The following QRICH1 variants were observed in gnomAD, a reference collection of about 807,000 sequenced individuals.
QRICH1 encodes the protein glutamine rich 1.
In QRICH1, 16 loss-of-function variants were observed where a neutral mutation model predicts 87.1. The observed-to-expected ratio is 0.18, with a 90% confidence interval of 0.12 to 0.28. The LOEUF (loss-of-function observed/expected upper bound fraction) is 0.28, where lower values mean the gene tolerates loss of function less well. QRICH1 is among the 10% of genes least tolerant of loss of function. QRICH1 has a pLI of 1.00. For synonymous variants in QRICH1, 367 were observed against 368.4 expected, an observed-to-expected ratio of 1.00 and a Z score of 0.05; for missense variants, 647 against 951.7, an observed-to-expected ratio of 0.68 and a Z score of 4.21.
At chr3:49,040,738 G>A (rs151216396) in intron 6 of QRICH1, among the ~76,000 whole-genome samples, 174 of 152,274 alleles carry the variant, frequency 1.1e-3, no homozygotes, top group African/African-American at 3.9e-3. Flanking sequence ...TGAATGTCAA[G>A]GAATGCAACT....
intron 2 of QRICH1, among the ~76,000 whole-genome samples, chr3:49,076,295 C>T (rs1464855681): frequency 6.6e-6 from 1 of 152,230 alleles, no homozygotes; most frequent in East Asian, 1.9e-4. Context: ...ACTGACATCG[C>T]CGCCGGCGGG....
intron 5 of QRICH1, 58 bp from the exon 6 acceptor site, chr3:49,044,562 G>T (rs2093328677): frequency 4.0e-6 from 5 of 1,235,732 alleles, no homozygotes; most frequent in Non-Finnish European, 5.8e-6. Context: ...GGATTTCAGG[G>T]GAAATAAATA....
chr3:49,066,701 C>T (rs147707204), intron 2 of QRICH1, among the ~76,000 whole-genome samples: 2,080 of 152,166 alleles, frequency 0.014, 29 homozygotes, highest in Non-Finnish European at 0.018. Context: ...GATTTTTCTT[C>T]TTTTAAAATG....
intron 6 of QRICH1, among the ~76,000 whole-genome samples, chr3:49,044,137 A>G (rs1478955278): frequency 6.6e-6 from 1 of 152,196 alleles, no homozygotes; most frequent in Non-Finnish European, 1.5e-5. Flanking sequence ...ATACATTTTA[A>G]TAGGAAAAAA....
At chr3:49,077,387 C>A (rs963176442) in intron 1 of QRICH1, among the ~76,000 whole-genome samples, 6 of 152,138 alleles carry the variant, frequency 3.9e-5, no homozygotes, top group Non-Finnish European at 8.8e-5. Context: ...CAAAACTGCT[C>A]TGTGACCATC....
intron 3 of QRICH1, among the ~76,000 whole-genome samples, chr3:49,055,735 C>T (rs576626773): frequency 1.1e-4 from 17 of 152,292 alleles, no homozygotes; most frequent in South Asian, 6.2e-4. Flanking sequence ...TGCAGTGGCA[C>T]GATCTCAGCT....
In QRICH1 at chr3:49,047,192, G is replaced by T; in HGVS notation, c.1393C>A (p.Pro465Thr). 6.2e-7 allele frequency: 1 copy of T among 1,614,136 alleles called. No homozygotes were observed. Among genetic ancestry groups the T allele is most frequent in the Non-Finnish European group, 8.5e-7 (1 of 1,180,024 alleles). The change falls in exon 4 of 10, where the codon CCA (proline) becomes ACA (threonine). Residue 465 changes from proline to threonine, a missense_variant. Transcript: ENST00000395443. Reference protein sequence around the residue: ...VEPQSQPQPSPELLLPNSLKP... With the variant: ...VEPQSQPQPSTELLLPNSLKP... The stretch of plus-strand genomic sequence containing the variant: ...AAAGAATTTGGAAGCAGAAGTTCTG[G>T]GGAAGGCTGTGGCTGTGACTGTGGT...
intron 6 of QRICH1, among the ~76,000 whole-genome samples, chr3:49,035,887 C>A (rs1438616369): frequency 7.2e-6 from 1 of 139,508 alleles, no homozygotes; most frequent in African/African-American, 2.7e-5. Flanking sequence ...CCAGCCTAGA[C>A]AACATGGCAA....
chr3:49,031,499 A>G (rs2093239499), intron 9 of QRICH1, among the ~76,000 whole-genome samples: 1 of 152,208 alleles, frequency 6.6e-6, no homozygotes, highest in South Asian at 2.1e-4. Context: ...ATGGGCAGGA[A>G]AAGTATTTCC....
chr3:49,056,756 G>C (rs762997475), intron 3 of QRICH1, 106 bp downstream of exon 3: 27 of 1,525,396 alleles, frequency 1.8e-5, no homozygotes, highest in African/African-American at 1.5e-4. Context: ...CTGCATCACT[G>C]TAAGAGTAAC....
At chr3:49,090,450 C>A (rs2042252117) in intron 1 of QRICH1, among the ~76,000 whole-genome samples, 1 of 111,818 alleles carries the variant, frequency 8.9e-6, no homozygotes, top group African/African-American at 3.5e-5. Context: ...CAGAGCGAGA[C>A]TACGTCTCAA....
At chr3:49,082,994 G>A (rs770775705) in intron 1 of QRICH1, among the ~76,000 whole-genome samples, 7 of 151,774 alleles carry the variant, frequency 4.6e-5, no homozygotes, top group Non-Finnish European at 1.0e-4. Context: ...ATAACCTGAG[G>A]TCGGGAGTTC....
chr3:49,093,656 G>A, intron 1 of QRICH1: 1 of 176,136 alleles, frequency 5.7e-6, no homozygotes, highest in Non-Finnish European at 1.2e-5. Context: ...GCGCGCGCGC[G>A]TAAAAACAGG....
chr3:49,089,053 CTTTTTTTCTTTTCTTTTTT>C (rs2042223674), intron 1 of QRICH1, among the ~76,000 whole-genome samples: 1 of 151,530 alleles, frequency 6.6e-6, no homozygotes, highest in Admixed American at 6.6e-5. Context: ...GTTCTATTTT[CTTTTTTTCTTTTCTTTTTT>C]TTTTTTTAAA....
At position 49,094,036 on chromosome 3, in the gene QRICH1, C is replaced by G; in HGVS notation, c.-146G>C. Reference sequence around the variant, plus strand: ...GACAGGGTTTTCTCCTCACAGCTCCCTGGGCGCCATCTTACATTCAACCCT... The same window carrying G: ...GACAGGGTTTTCTCCTCACAGCTCCGTGGGCGCCATCTTACATTCAACCCT... On this transcript the variant is annotated 5_prime_UTR_variant, in exon 1 of 10. Transcript: ENST00000395443. 1 of 398,772 alleles carries G rather than the reference C, an allele frequency of 2.5e-6. No individual in the cohort carries two copies. The highest frequency in any genetic ancestry group is 4.4e-6 in the Non-Finnish European group (1 of 226,156). The allele number at this position is 398,772 out of a possible 1,614,324, so 24.7% of individuals were successfully genotyped here.
At chr3:49,050,103 G>A (rs1257146469) in intron 3 of QRICH1, among the ~76,000 whole-genome samples, 3 of 151,586 alleles carry the variant, frequency 2.0e-5, no homozygotes, top group Admixed American at 6.6e-5. Context: ...TTGGGAGGCC[G>A]AGGCGGGCGG....
chr3:49,058,602 A>C (rs963101710), intron 2 of QRICH1, among the ~76,000 whole-genome samples: 3 of 152,022 alleles, frequency 2.0e-5, no homozygotes, highest in Non-Finnish European at 4.4e-5. Flanking sequence ...CTGGGATTAC[A>C]GGTGTGAGCC....
chr3:49,059,208 G>A (rs568319727), intron 2 of QRICH1, among the ~76,000 whole-genome samples: 23 of 151,382 alleles, frequency 1.5e-4, no homozygotes, highest in African/African-American at 5.1e-4. Context: ...CTCGTGATCC[G>A]CCCGCCTTGG....
At chr3:49,066,933 G>A (rs2093472017) in intron 2 of QRICH1, among the ~76,000 whole-genome samples, 2 of 151,896 alleles carry the variant, frequency 1.3e-5, no homozygotes, top group African/African-American at 2.4e-5. Flanking sequence ...AGCGACTCAG[G>A]AGGCTGAGGT....
Sources: allele counts gnomAD v4.1 joint callset (sites outside exome capture counted in the v4.1 genomes callset), GRCh38; gene constraint gnomAD v4.1.1; transcripts MANE v1.5; gene names NCBI Gene and HGNC (gene_info 2026-07-23, HGNC 2026-07-21).